The following TBCK variants were observed in gnomAD, a reference collection of about 807,000 sequenced individuals.
TBCK encodes the protein TBC1 domain containing kinase.
TBCK carries 99 observed loss-of-function variants against 113.4 expected under a neutral mutation model. The observed-to-expected ratio is 0.87, with a 90% CI of 0.74 to 1.03. The LOEUF is 1.03. Ranked by LOEUF, TBCK falls within the 50% of genes least tolerant of loss-of-function variation. The pLI is 0.00. For missense variants in TBCK, 1,045 were observed against 1,061.3 expected (o/e 0.98, Z 0.21); for synonymous variants, 369 against 370.8 (o/e 1.00, Z 0.05).
At chr4:106,054,276 T>C (rs1264791223) in intron 25 of TBCK, among the ~76,000 whole-genome samples, 4 of 151,736 alleles carry the variant, frequency 2.6e-5, no homozygotes, top group Non-Finnish European at 4.4e-5. Context: ...ATCTCTTACT[T>C]AGATTACTGC....
At chr4:106,212,037 A>AT (rs1227196988) in intron 20 of TBCK, among the ~76,000 whole-genome samples, 11 of 151,660 alleles carry the variant, frequency 7.3e-5, no homozygotes, top group Non-Finnish European at 1.5e-4. Context: ...GTTAAAAAAA[A>AT]TTTTTTAATG....
In TBCK at chr4:106,274,805, A is replaced by AT. The variant is rs554159249; in HGVS notation, c.267-12594dup. Among the ~76,000 whole-genome samples the AT allele has an allele frequency of 3.3e-3, 505 of 152,264 alleles. 2 individuals are homozygous for AT. The highest frequency in any genetic ancestry group is 5.1e-3 in the Non-Finnish European group (346 of 68,020). The stretch of plus-strand genomic sequence containing the variant: ...TGAATTTTCCCTTTCATAACCATGA[A>AT]TTTTTAACAGGTGAATTACATCTCA... On this transcript the variant is annotated intron_variant, in intron 3 of 25. Transcript: ENST00000394708.
At chr4:106,114,336 T>C (rs1295335767) in intron 24 of TBCK, among the ~76,000 whole-genome samples, 4 of 152,208 alleles carry the variant, frequency 2.6e-5, no homozygotes, top group Non-Finnish European at 4.4e-5. Context: ...AAAGGTTAGA[T>C]AGCAAAGAGA....
chr4:106,215,271 G>C (rs890218784), intron 19 of TBCK, among the ~76,000 whole-genome samples: 1 of 152,074 alleles, frequency 6.6e-6, no homozygotes, highest in African/African-American at 2.4e-5. Flanking sequence ...ATGCCAAAAT[G>C]TAATGACCAT....
chr4:106,126,753 C>T (rs1386762031), intron 23 of TBCK, among the ~76,000 whole-genome samples: 1 of 152,192 alleles, frequency 6.6e-6, no homozygotes, highest in Non-Finnish European at 1.5e-5. Flanking sequence ...AAAGTCATCA[C>T]ATGCTCTCTG....
At chr4:106,278,505 G>A (rs1764241057) in intron 3 of TBCK, among the ~76,000 whole-genome samples, 1 of 129,982 alleles carries the variant, frequency 7.7e-6, no homozygotes, top group Non-Finnish European at 1.5e-5. Flanking sequence ...GTTGCAGTGA[G>A]CCCAGATCGT....
At chr4:106,228,717 A>T (rs1383137350) in intron 19 of TBCK, among the ~76,000 whole-genome samples, 1 of 151,972 alleles carries the variant, frequency 6.6e-6, no homozygotes, top group African/African-American at 2.4e-5. Context: ...GGGAGTGCAG[A>T]TATCTCTCTG....
chr4:106,138,948 G>A (rs1746875528), intron 23 of TBCK, among the ~76,000 whole-genome samples: 1 of 141,084 alleles, frequency 7.1e-6, no homozygotes. Context: ...CTGGTGACAA[G>A]AGGTCACAGT....
At chr4:106,176,238 T>C (rs7686011) in intron 22 of TBCK, among the ~76,000 whole-genome samples, 1 of 152,106 alleles carries the variant, frequency 6.6e-6, no homozygotes. Flanking sequence ...ATAGTCATCC[T>C]ACTGTGCTGT....
chr4:106,112,328 C>A (rs960970209), intron 24 of TBCK, among the ~76,000 whole-genome samples: 1 of 152,142 alleles, frequency 6.6e-6, no homozygotes, highest in Non-Finnish European at 1.5e-5. Flanking sequence ...ATAGAGCATG[C>A]CCTTCCTGCT....
At chr4:106,058,480 G>T (rs1735681383) in intron 25 of TBCK, among the ~76,000 whole-genome samples, 1 of 151,742 alleles carries the variant, frequency 6.6e-6, no homozygotes, top group African/African-American at 2.4e-5. Flanking sequence ...GACTTGAGTT[G>T]TTAAGGAAGA....
intron 3 of TBCK, among the ~76,000 whole-genome samples, chr4:106,289,124 C>T (rs949499957): frequency 6.6e-6 from 1 of 152,118 alleles, no homozygotes; most frequent in African/African-American, 2.4e-5. Context: ...TGAGTTCTAC[C>T]CAGTTTAGAG....
chr4:106,219,203 CA>C (rs1453313259), intron 19 of TBCK, among the ~76,000 whole-genome samples: 4,789 of 125,920 alleles, frequency 0.038, 238 homozygotes, highest in African/African-American at 0.14. Flanking sequence ...GGGAACATCA[CA>C]CTCTGGGGCC....
intron 25 of TBCK, among the ~76,000 whole-genome samples, chr4:106,051,599 C>T (rs963537378): frequency 7.1e-6 from 1 of 140,030 alleles, no homozygotes; most frequent in Admixed American, 7.0e-5. Context: ...TCCTCTTGAC[C>T]CTCTGGAATG....
At chr4:106,245,226 C>G (rs925924054) in intron 10 of TBCK, among the ~76,000 whole-genome samples, 3 of 152,156 alleles carry the variant, frequency 2.0e-5, no homozygotes, top group African/African-American at 7.2e-5. Context: ...AGTCTGGAGA[C>G]TGACAAGGTT....
At chr4:106,252,111 TA>T (rs1761503420) in intron 5 of TBCK, 104 bp from the exon 6 acceptor site, 1 of 877,460 alleles carries the variant, frequency 1.1e-6, no homozygotes, top group African/African-American at 1.7e-5. Context: ...CTCATGCAAT[TA>T]AATTAACAAC....
intron 12 of TBCK, chr4:106,237,587 A>T (rs904500206): frequency 2.2e-6 from 1 of 454,156 alleles, no homozygotes; most frequent in Non-Finnish European, 4.4e-6. Flanking sequence ...GCAAGCACTG[A>T]TCTTCTGCTG....
Position 106,140,918 on chromosome 4 carries a change from C to G in TBCK, c.2236-24540G>C, listed in dbSNP as rs116486041. Reference sequence around the variant, plus strand: ...CTAGATTTAAAGCTGGCTCTAAAATCAAAATAGTCTAAAATGGCAAAGCTC... The same window carrying G: ...CTAGATTTAAAGCTGGCTCTAAAATGAAAATAGTCTAAAATGGCAAAGCTC... On this transcript the variant is annotated intron_variant, in intron 23 of 25. Coordinates refer to ENST00000394708, the MANE Select transcript of TBCK (RefSeq NM_001163435.3). 9.8e-4 allele frequency among the ~76,000 whole-genome samples: 138 copies of G among 140,356 alleles called. 12 individuals carry two copies. The highest frequency in any genetic ancestry group is 3.4e-3 in the African/African-American group (136 of 39,884). 92.1% of individuals were successfully genotyped at this position (140,356 alleles called of 152,430 possible).
At position 106,247,143 on chromosome 4, in the gene TBCK, A is replaced by C. The variant is rs1041305278; in HGVS notation, c.927T>G (p.Cys309Trp). Residue 309 changes from cysteine (C) to tryptophan (W), a missense_variant, in exon 10 of 26, where the codon TGT becomes TGG. Cys to Trp is a radical substitution (Grantham distance 215, BLOSUM62 -2). Coordinates refer to ENST00000394708, the MANE Select transcript of TBCK (RefSeq NM_001163435.3). ...LTLPEDISQL[C>W]KDINNDYLAE... ...TATGCTTTAATTTATCATTACCTTTACACAACTGACTGATATCCTCAGGCA... is the reference window on the plus strand; with the variant it reads ...TATGCTTTAATTTATCATTACCTTTCCACAACTGACTGATATCCTCAGGCA... The C allele has an allele frequency of 3.1e-6, 5 of 1,611,434 alleles. No individual in the cohort carries two copies. In the African/African-American group the frequency reaches 6.7e-5, roughly 22 times the overall value.
Sources: gnomAD v4.1 joint callset for allele counts (sites outside exome capture counted in the v4.1 genomes callset) on GRCh38, gnomAD v4.1.1 for gene constraint, MANE v1.5 for transcripts, NCBI Gene and HGNC (gene_info 2026-07-23, HGNC 2026-07-21) for gene names.